Variants in ERBIN observed in about 807,000 individuals in gnomAD.
ERBIN encodes densin-180-like protein.
A neutral mutation model predicts 158.4 loss-of-function variants in ERBIN; 60 were observed. The ratio of observed to expected loss-of-function variants is 0.38; its 90% CI spans 0.31 to 0.47. The LOEUF is 0.47. Ranked by LOEUF, ERBIN falls within the 20% of genes least tolerant of loss-of-function variation. The probability of loss-of-function intolerance (pLI) is 0.99; values close to 1 mark genes in which losing one functional copy is unlikely to be tolerated. For missense variants in ERBIN, 1,610 were observed against 1,648.0 expected (o/e 0.98, Z 0.40); for synonymous variants, 594 against 557.2 (o/e 1.07, Z -0.93).
At chr5:65,954,087 C>CTG (rs1746817350) in intron 1 of ERBIN, among the ~76,000 whole-genome samples, 1 of 152,158 alleles carries the variant, frequency 6.6e-6, no homozygotes, top group Non-Finnish European at 1.5e-5. Flanking sequence ...GTTTAGTTTG[C>CTG]TGACTGACAG....
intron 4 of ERBIN, among the ~76,000 whole-genome samples, chr5:66,000,398 T>C (rs1181225605): frequency 6.6e-6 from 1 of 152,180 alleles, no homozygotes; most frequent in Non-Finnish European, 1.5e-5. Flanking sequence ...TTACATGTTG[T>C]AGAGTTAGGC....
intron 4 of ERBIN, among the ~76,000 whole-genome samples, chr5:66,003,080 T>C (rs1753173215): frequency 6.6e-6 from 1 of 152,228 alleles, no homozygotes; most frequent in Non-Finnish European, 1.5e-5. Context: ...ACATGTGTTA[T>C]CCTCTGGAAG....
intron 2 of ERBIN, among the ~76,000 whole-genome samples, chr5:65,990,640 A>G (rs942737515): frequency 6.7e-6 from 1 of 149,318 alleles, no homozygotes; most frequent in Non-Finnish European, 1.5e-5. Flanking sequence ...CCTGGGTGAC[A>G]GAGCAAGACT....
chr5:65,983,739 C>G (rs1750900773), intron 1 of ERBIN, among the ~76,000 whole-genome samples: 1 of 152,214 alleles, frequency 6.6e-6, no homozygotes, highest in South Asian at 2.1e-4. Flanking sequence ...CAGGCGACCC[C>G]AGAGTGCAGC....
intron 20 of ERBIN, among the ~76,000 whole-genome samples, chr5:66,052,011 T>C (rs1453542078): frequency 2.0e-5 from 3 of 151,348 alleles, no homozygotes; most frequent in Non-Finnish European, 4.4e-5. Flanking sequence ...CAAGACCAGC[T>C]TGGGCAACAT....
At chr5:65,948,753 CT>C (rs1227439901) in intron 1 of ERBIN, among the ~76,000 whole-genome samples, 1 of 114,088 alleles carries the variant, frequency 8.8e-6, no homozygotes, top group East Asian at 2.5e-4. Flanking sequence ...TACTGGAGTT[CT>C]GTTTTGCGTT....
intron 18 of ERBIN, among the ~76,000 whole-genome samples, chr5:66,047,573 T>A (rs868377976): frequency 2.4e-4 from 37 of 152,166 alleles, no homozygotes; most frequent in Middle Eastern, 3.4e-3. Context: ...CTGAAGTGTT[T>A]CTGATTTATA....
intron 1 of ERBIN, among the ~76,000 whole-genome samples, chr5:65,977,150 C>T (rs1749991686): frequency 7.0e-6 from 1 of 143,436 alleles, no homozygotes; most frequent in Admixed American, 6.9e-5. Context: ...GGGGGGCTGA[C>T]TCCCCCACCT....
chr5:65,940,509 A>G (rs1438002758), intron 1 of ERBIN, among the ~76,000 whole-genome samples: 1 of 61,222 alleles, frequency 1.6e-5, no homozygotes, highest in African/African-American at 7.5e-5. Flanking sequence ...CCCGTCTGGG[A>G]GGGAGGTGGG....
rs1490006895 is a variant in ERBIN at position 66,060,376 on chromosome 5, G to A, written c.3633+5425G>A. On this transcript the variant is annotated intron_variant, in intron 21 of 25. Transcript: ENST00000284037. ...TGGTAGTTTGTATTTCTGTGGGATT[G>A]GTGGTGATATGCCCTTTGTCATTTT... 9.2e-5 allele frequency among the ~76,000 whole-genome samples: 14 copies of A among 152,122 alleles called. 1 individual carries two copies. The highest frequency in any genetic ancestry group is 3.4e-4 in the African/African-American group (14 of 41,418).
chr5:65,981,651 C>CA (rs200663607), intron 1 of ERBIN, among the ~76,000 whole-genome samples: 4,253 of 146,536 alleles, frequency 0.029, 122 homozygotes, highest in African/African-American at 0.073. Flanking sequence ...TTTTAAACAA[C>CA]AAAAAAAAAA....
In ERBIN at chr5:66,025,582, G is replaced by T. The variant is rs369835619; in HGVS notation, c.890+30G>T. Reference sequence around the variant, plus strand: ...GTTTTTTGTGAATGTATACACCCTCGAAGATTTTACTTTCAGTTCAGCATG... The same window carrying T: ...GTTTTTTGTGAATGTATACACCCTCTAAGATTTTACTTTCAGTTCAGCATG... On this transcript the variant is annotated intron_variant, in intron 11 of 25. Coordinates refer to ENST00000284037, the MANE Select transcript of ERBIN (RefSeq NM_001253697.2). 1.1e-5 allele frequency: 16 copies of T among 1,505,420 alleles called. No individual in the cohort carries two copies. In the Admixed American group the frequency reaches 2.0e-4, roughly 19 times the overall value. The allele number at this position is 1,505,420 out of a possible 1,614,324, so 93.3% of individuals were successfully genotyped here. A position where few individuals can be genotyped will look rare whatever the true frequency, so the allele number is the denominator to read the frequency against.
At chr5:65,968,570 A>T (rs1016501443) in intron 1 of ERBIN, among the ~76,000 whole-genome samples, 2 of 152,106 alleles carry the variant, frequency 1.3e-5, no homozygotes, top group African/African-American at 4.8e-5. Flanking sequence ...TTAATTAATT[A>T]ATTTATTTGA....
intron 7 of ERBIN, among the ~76,000 whole-genome samples, chr5:66,016,461 G>A (rs975246378): frequency 8.6e-5 from 13 of 151,878 alleles, no homozygotes; most frequent in African/African-American, 3.1e-4. Flanking sequence ...TTTTTATTGA[G>A]GTAAAATATG....
At chr5:66,030,890 A>G (rs1053198516) in intron 14 of ERBIN, among the ~76,000 whole-genome samples, 7 of 152,118 alleles carry the variant, frequency 4.6e-5, no homozygotes, top group Admixed American at 1.3e-4. Flanking sequence ...ACTTCTGTGG[A>G]TAAATTAATG....
intron 3 of ERBIN, among the ~76,000 whole-genome samples, chr5:65,994,126 G>A (rs556253062): frequency 1.3e-5 from 2 of 152,038 alleles, no homozygotes; most frequent in Non-Finnish European, 2.9e-5. Context: ...AAAGGTTGTT[G>A]GTCTCATGTT....
At chr5:66,051,371 T>C (rs1280629942) in intron 20 of ERBIN, among the ~76,000 whole-genome samples, 1 of 152,210 alleles carries the variant, frequency 6.6e-6, no homozygotes, top group Non-Finnish European at 1.5e-5. Flanking sequence ...TTAGGCTTAA[T>C]TTTGTAGGAC....
intron 21 of ERBIN, among the ~76,000 whole-genome samples, chr5:66,056,570 A>G (rs867888171): frequency 5.9e-5 from 9 of 152,116 alleles, no homozygotes; most frequent in Non-Finnish European, 1.0e-4. Context: ...AAATATTTAC[A>G]TATTTTGAAA....
chr5:65,952,268 A>G (rs987113725), intron 1 of ERBIN, among the ~76,000 whole-genome samples: 4 of 152,070 alleles, frequency 2.6e-5, no homozygotes, highest in African/African-American at 9.7e-5. Context: ...AATCTGGGGG[A>G]AAAAGCACCA....
Sources: allele counts gnomAD v4.1 joint callset (sites outside exome capture counted in the v4.1 genomes callset), GRCh38; gene constraint gnomAD v4.1.1; transcripts MANE v1.5; gene names NCBI Gene and HGNC (gene_info 2026-07-23, HGNC 2026-07-21).